CYTL1: variants seen among roughly 807,000 people sequenced by gnomAD.
CYTL1 encodes cytokine like 1.
Under a neutral mutation model 13.1 loss-of-function variants are expected in CYTL1, and 17 were observed. The ratio of observed to expected loss-of-function variants is 1.29; its 90% CI spans 0.89 to 1.94. The LOEUF (loss-of-function observed/expected upper bound fraction) is 1.94, where lower values mean the gene tolerates loss of function less well. Among genes scored for constraint, CYTL1 ranks in the 30% most tolerant of loss-of-function variants. CYTL1 has a pLI of 0.00. For synonymous variants in CYTL1, 91 were observed against 79.4 expected, an observed-to-expected ratio of 1.15 and a Z score of -0.78; for missense variants, 213 against 174.8, an observed-to-expected ratio of 1.22 and a Z score of -1.23.
chr4:5,017,449 T>C (rs1741098345), intron 1 of CYTL1, among the ~76,000 whole-genome samples: 1 of 152,172 alleles, frequency 6.6e-6, no homozygotes, highest in South Asian at 2.1e-4. Context: ...TTCAGAAATA[T>C]ACATACACGT....
At chr4:5,018,716 C>T (rs1348064928) in intron 1 of CYTL1, among the ~76,000 whole-genome samples, 1 of 152,194 alleles carries the variant, frequency 6.6e-6, no homozygotes, top group Non-Finnish European at 1.5e-5. Flanking sequence ...GCTCTGTGAG[C>T]CCTGCCTGTG....
At chr4:5,015,280 C>G in intron 3 of CYTL1, 46 bp from the exon 4 acceptor site, 1 of 1,487,038 alleles carries the variant, frequency 6.7e-7, no homozygotes, top group Non-Finnish European at 9.3e-7. Context: ...AAGGTGGTCA[C>G]GGAGTCCATA....
In CYTL1 at chr4:5,015,102, G is replaced by A; in HGVS notation, c.*49C>T. On this transcript the variant is annotated 3_prime_UTR_variant, in exon 4 of 4. Transcript: ENST00000307746. ...GGCTCTGGCCCATTAAGTCTGGGTA[G>A]CTGACATAACTGTAGTTCTCTTGGG... 6.7e-7 allele frequency: 1 copy of A among 1,492,434 alleles called. No individual in the cohort carries two copies. The highest frequency in any genetic ancestry group is 9.3e-7 in the Non-Finnish European group (1 of 1,071,866). 92.4% of individuals were successfully genotyped at this position (1,492,434 alleles called of 1,614,324 possible). A position where few individuals can be genotyped will look rare whatever the true frequency, so the allele number is the denominator to read the frequency against.
chr4:5,019,278 G>A lies in CYTL1; in HGVS notation c.153+15C>T, dbSNP rs1396856962. The A allele has an allele frequency of 4.8e-6, 7 of 1,462,810 alleles. No individual in the cohort carries two copies. Among genetic ancestry groups the A allele is most frequent in the East Asian group, 5.5e-5 (2 of 36,394 alleles). 90.6% of individuals were successfully genotyped at this position (1,462,810 alleles called of 1,614,324 possible). On this transcript the variant is annotated intron_variant, in intron 1 of 3. Coordinates refer to ENST00000307746, the MANE Select transcript of CYTL1 (RefSeq NM_018659.3). ...TCTGCCATGCACCCCTGTCCTGAGC[G>A]GGCGGGGGACTCACCGAGGGCTCCG...
chr4:5,017,941 G>A (rs945406522), intron 1 of CYTL1, among the ~76,000 whole-genome samples: 1 of 152,138 alleles, frequency 6.6e-6, no homozygotes, highest in African/African-American at 2.4e-5. Flanking sequence ...TCAGTCCTCA[G>A]TTGTGAAATT....
intron 3 of CYTL1, among the ~76,000 whole-genome samples, chr4:5,015,837 A>C (rs1358675154): frequency 1.3e-5 from 2 of 152,202 alleles, no homozygotes; most frequent in Non-Finnish European, 2.9e-5. Context: ...CTTAGGATCA[A>C]GGGAGTTACT....
At chr4:5,017,215 A>G (rs1741094723) in intron 1 of CYTL1, 36 bp from the exon 2 acceptor site, 4 of 1,605,796 alleles carry the variant, frequency 2.5e-6, no homozygotes, top group Non-Finnish European at 3.4e-6. Context: ...GGATGCCCAC[A>G]GGGGCATACC....
chr4:5,015,412 A>C (rs114942796), intron 3 of CYTL1, among the ~76,000 whole-genome samples, 178 bp from the exon 4 acceptor site: 1 of 31,626 alleles, frequency 3.2e-5, no homozygotes, highest in African/African-American at 5.3e-5. Flanking sequence ...CATTCCAATA[A>C]AATTTCATTT....
Position 5,016,823 on chromosome 4 carries a change from G to A in CYTL1, c.327+13C>T. The stretch of plus-strand genomic sequence containing the variant: ...AGCAAGTAGAAAATAGACTTTCAAT[G>A]GCATCCACTTACTCTCCTGCAGAAC... On this transcript the variant is annotated intron_variant, in intron 3 of 3. Transcript: ENST00000307746. The A allele has an allele frequency of 1.9e-6, 3 of 1,614,020 alleles. No individual in the cohort carries two copies. Among genetic ancestry groups the A allele is most frequent in the Non-Finnish European group, 2.5e-6 (3 of 1,179,948 alleles).
rs183945972 is a variant in CYTL1, at chr4:5,014,984, G to A, written c.*167C>T. On this transcript the variant is annotated 3_prime_UTR_variant, in exon 4 of 4. Coordinates refer to ENST00000307746, the MANE Select transcript of CYTL1 (RefSeq NM_018659.3). ...GTTGCTAACTCTATGCTCAAAGGAG[G>A]TTCCTGGGTAGGAATACCAGCCCTG... 1.5e-6 allele frequency: 1 copy of A among 664,006 alleles called. No individual in the cohort carries two copies. The highest frequency in any genetic ancestry group is 1.7e-5 in the South Asian group (1 of 59,644). The allele number at this position is 664,006 out of a possible 1,614,324, so 41.1% of individuals were successfully genotyped here.
Position 5,016,959 on chromosome 4 carries a change from G to A in CYTL1, c.204C>T (p.Tyr68=). The A allele has an allele frequency of 6.2e-7, 1 of 1,614,206 alleles. No individual in the cohort carries two copies. Among genetic ancestry groups the A allele is most frequent in the Non-Finnish European group, 8.5e-7 (1 of 1,180,040 alleles). The change falls in exon 3 of 4, where the codon TAC becomes TAT. Residue 68 remains tyrosine (Y), a synonymous_variant. Coordinates refer to ENST00000307746, the MANE Select transcript of CYTL1 (RefSeq NM_018659.3). ...AGTCCCGCAGCTTGTCCAGCACACAGTAATTCTGGGAGTGGGCAATGGGGA... is the reference window on the plus strand; with the variant it reads ...AGTCCCGCAGCTTGTCCAGCACACAATAATTCTGGGAGTGGGCAATGGGGA... The part of the protein sequence containing the change: ...LPRLYLDIHN[Y]CVLDKLRDFV...
chr4:5,017,066 C>A (rs1741090590), intron 2 of CYTL1, 69 bp downstream of exon 2: 2 of 1,604,642 alleles, frequency 1.2e-6, no homozygotes, highest in Non-Finnish European at 1.7e-6. Context: ...TGCCACACAG[C>A]CAGCAGCAGA....
In CYTL1 at chr4:5,015,253, G is replaced by A. The variant is rs1239556699; in HGVS notation, c.328-19C>T. On this transcript the variant is annotated intron_variant, in intron 3 of 3. Coordinates refer to ENST00000307746, the MANE Select transcript of CYTL1 (RefSeq NM_018659.3). ...CCAAATCCTGAAAAAGATGTGCAAT[G>A]AGCAGGAAAGTTACTGAAGGTGGTC... is the stretch of plus-strand genomic sequence containing the variant. The A allele has an allele frequency of 6.2e-7, 1 of 1,601,898 alleles. No homozygotes were observed. Among genetic ancestry groups the A allele is most frequent in the Non-Finnish European group, 8.5e-7 (1 of 1,170,842 alleles).
rs1577594421 is a variant in CYTL1 at position 5,014,677 on chromosome 4, G to A, written c.*474C>T. 6 of 185,840 alleles carry A rather than the reference G, an allele frequency of 3.2e-5. No individual in the cohort carries two copies. The highest frequency in any genetic ancestry group is 2.4e-5 in the African/African-American group (1 of 41,708). The allele number at this position is 185,840 out of a possible 1,614,324, so 11.5% of individuals were successfully genotyped here. A position where few individuals can be genotyped will look rare whatever the true frequency, so the allele number is the denominator to read the frequency against. ...GCACTACGTAAAATATATATCTTAA[G>A]AGCATTAATTTCTTTTTAAATGAAA... On this transcript the variant is annotated 3_prime_UTR_variant, in exon 4 of 4. Transcript: ENST00000307746.
rs1360752484 is a variant in CYTL1, at chr4:5,014,832, A to G, written c.*319T>C. On this transcript the variant is annotated 3_prime_UTR_variant, in exon 4 of 4. Coordinates refer to ENST00000307746, the MANE Select transcript of CYTL1 (RefSeq NM_018659.3). ...CAGTAATAAAAACATACTATTGTGC[A>G]AGTTCTCAAAATAGTTGTTCATAAA... 3.1e-6 allele frequency: 1 copy of G among 323,328 alleles called. No individual in the cohort carries two copies. The highest frequency in any genetic ancestry group is 8.1e-5 in the East Asian group (1 of 12,356). The allele number at this position is 323,328 out of a possible 1,614,324, so 20.0% of individuals were successfully genotyped here.
chr4:5,019,003 C>CTTTTTT (rs1186542271), intron 1 of CYTL1, among the ~76,000 whole-genome samples: 142 of 89,566 alleles, frequency 1.6e-3, no homozygotes, highest in African/African-American at 4.0e-3. Context: ...TTTCTTTTTT[C>CTTTTTT]TTTTTTTTTT....
At chr4:5,019,003 CTT>C (rs1186542271) in intron 1 of CYTL1, among the ~76,000 whole-genome samples, 10,381 of 89,624 alleles carry the variant, frequency 0.12, 234 homozygotes, top group Middle Eastern at 0.13. Context: ...TTTCTTTTTT[CTT>C]TTTTTTTTTT....
chr4:5,019,012 T>TTC (rs1180655707), intron 1 of CYTL1, among the ~76,000 whole-genome samples: 1 of 139,530 alleles, frequency 7.2e-6, no homozygotes, highest in African/African-American at 2.6e-5. Flanking sequence ...TCTTTTTTTT[T>TTC]TTTTTTTTTT....
intron 2 of CYTL1, 23 bp downstream of exon 2, chr4:5,017,112 T>G (rs147528338): frequency 4.8e-4 from 768 of 1,612,192 alleles, no homozygotes; most frequent in Admixed American, 6.0e-4. Context: ...AAGACCTCCC[T>G]CCCCCAGGGA....
Sources: allele counts gnomAD v4.1 joint callset (sites outside exome capture counted in the v4.1 genomes callset), GRCh38; gene constraint gnomAD v4.1.1; transcripts MANE v1.5; gene names NCBI Gene and HGNC (gene_info 2026-07-23, HGNC 2026-07-21).